SH2D4B: variants seen among roughly 807,000 people sequenced by gnomAD.
SH2D4B encodes SH2 domain-containing protein 4B.
SH2D4B carries 45 observed loss-of-function variants against 61.5 expected under a neutral mutation model. That is an observed-to-expected ratio of 0.73 (90% CI 0.58 to 0.94). The LOEUF (loss-of-function observed/expected upper bound fraction) is 0.94, where lower values mean the gene tolerates loss of function less well. SH2D4B is among the 40% of genes least tolerant of loss of function. The probability of loss-of-function intolerance (pLI) is 0.00; values close to 1 mark genes in which losing one functional copy is unlikely to be tolerated. For missense variants in SH2D4B, 572 were observed against 574.2 expected (o/e 1.00, Z 0.04); for synonymous variants, 224 against 220.4 (o/e 1.02, Z -0.14).
At chr10:80,562,473 T>C (rs1220735548) in intron 1 of SH2D4B, among the ~76,000 whole-genome samples, 1 of 152,270 alleles carries the variant, frequency 6.6e-6, no homozygotes, top group Admixed American at 6.5e-5. Flanking sequence ...TCAATGATAT[T>C]ATGTGAGGAC....
intron 4 of SH2D4B, among the ~76,000 whole-genome samples, chr10:80,602,231 G>A (rs1451731379): frequency 1.3e-5 from 2 of 152,176 alleles, no homozygotes; most frequent in Non-Finnish European, 2.9e-5. Context: ...GGAGGCCAAG[G>A]TGGGAGGATT....
chr10:80,606,894 AAGTC>A (rs1237596264), intron 5 of SH2D4B, among the ~76,000 whole-genome samples: 1 of 152,226 alleles, frequency 6.6e-6, no homozygotes, highest in African/African-American at 2.4e-5. Context: ...TAATGGCAAA[AAGTC>A]AGAAGCAATG....
chr10:80,559,637 A>ATTT (rs773552620), intron 1 of SH2D4B, among the ~76,000 whole-genome samples: 14 of 129,950 alleles, frequency 1.1e-4, no homozygotes, highest in South Asian at 2.5e-4. Flanking sequence ...GTGGTCCTGC[A>ATTT]TTTTTTTTTT....
At chr10:80,594,261 T>G (rs1356647287) in intron 4 of SH2D4B, among the ~76,000 whole-genome samples, 1 of 152,232 alleles carries the variant, frequency 6.6e-6, no homozygotes, top group Non-Finnish European at 1.5e-5. Context: ...TTTTTTGTTC[T>G]TTATTCTATT....
Position 80,609,551 on chromosome 10 carries a change from G to T in SH2D4B, c.988G>T (p.Gly330Ter). The T allele has an allele frequency of 1.9e-6, 3 of 1,614,180 alleles. No homozygotes were observed. The highest frequency in any genetic ancestry group is 1.7e-6 in the Non-Finnish European group (2 of 1,180,014). The part of the protein sequence containing the change: ...NTKFIAPWFH[G>*]IISREDAEAL... ...CAAGTTCATCGCCCCCTGGTTCCAT[G>T]GTAGCACCATTTTTCTGGGCCCTGT... is the stretch of plus-strand genomic sequence containing the variant. Residue 330 changes from glycine to a stop codon, truncating the protein, a stop_gained and splice_region_variant, in exon 6 of 8, where the codon GGA becomes TGA. Coordinates refer to ENST00000646907, the MANE Select transcript of SH2D4B (RefSeq NM_001388272.1). LOFTEE classifies it high-confidence loss of function.
intron 3 of SH2D4B, among the ~76,000 whole-genome samples, chr10:80,587,246 G>A (rs977384022): frequency 3.4e-5 from 5 of 145,654 alleles, no homozygotes; most frequent in East Asian, 4.0e-4. Context: ...AGCCATTCTC[G>A]TGCCTCTTGA....
At chr10:80,551,805 A>G (rs1233991614) in intron 1 of SH2D4B, among the ~76,000 whole-genome samples, 2 of 152,110 alleles carry the variant, frequency 1.3e-5, no homozygotes, top group African/African-American at 2.4e-5. Context: ...GCAGATGGGG[A>G]TGGGGTGGTG....
intron 1 of SH2D4B, among the ~76,000 whole-genome samples, chr10:80,543,725 TA>T (rs1170915168): frequency 6.6e-6 from 1 of 152,150 alleles, no homozygotes; most frequent in Non-Finnish European, 1.5e-5. Flanking sequence ...TAAGGGATTG[TA>T]AATACACCAA....
chr10:80,609,283 C>A lies in SH2D4B; in HGVS notation c.861-141C>A, dbSNP rs1450646031. 9 of 744,754 alleles carry A rather than the reference C, an allele frequency of 1.2e-5. 1 individual carries two copies. Among genetic ancestry groups the A allele is most frequent in the Non-Finnish European group, 1.9e-5 (9 of 474,626 alleles). The allele number at this position is 744,754 out of a possible 1,614,324, so 46.1% of individuals were successfully genotyped here. A position where few individuals can be genotyped will look rare whatever the true frequency, so the allele number is the denominator to read the frequency against. On this transcript the variant is annotated intron_variant, in intron 5 of 7. Transcript: ENST00000646907. ...CATATTCATTCTCTCATGGCCCTCC[C>A]CTGCCCCTTCTTCCACCCCCCCTTC...
chr10:80,566,571 C>T (rs1841971966), intron 1 of SH2D4B, among the ~76,000 whole-genome samples: 1 of 152,084 alleles, frequency 6.6e-6, no homozygotes, highest in Admixed American at 6.5e-5. Flanking sequence ...GCTGGGATTA[C>T]ATGCGTGAGC....
chr10:80,575,239 T>C (rs1354229140), intron 3 of SH2D4B, among the ~76,000 whole-genome samples: 1 of 151,842 alleles, frequency 6.6e-6, no homozygotes, highest in Non-Finnish European at 1.5e-5. Flanking sequence ...AAATGGAGAA[T>C]ATTTATATGC....
chr10:80,575,933 G>A (rs1465934327), intron 3 of SH2D4B, among the ~76,000 whole-genome samples: 1 of 152,154 alleles, frequency 6.6e-6, no homozygotes, highest in Admixed American at 6.5e-5. Context: ...TATGTTGCTG[G>A]GTTTTGCATA....
chr10:80,570,121 A>T, intron 1 of SH2D4B, 33 bp from the exon 2 acceptor site: 1 of 1,613,576 alleles, frequency 6.2e-7, no homozygotes. Flanking sequence ...TTGAAAATCA[A>T]ACTTGTTTCT....
chr10:80,611,191 A>C lies in SH2D4B; in HGVS notation c.988+1640A>C, dbSNP rs927672968. On this transcript the variant is annotated intron_variant, in intron 6 of 7. Coordinates refer to ENST00000646907, the MANE Select transcript of SH2D4B (RefSeq NM_001388272.1). Reference sequence around the variant, plus strand: ...ACTCAGTCTCAAAAAAAAAAAAAAAAAAAAAAAAAAAACATTGATGATCTC... The same window carrying C: ...ACTCAGTCTCAAAAAAAAAAAAAAACAAAAAAAAAAAACATTGATGATCTC... Among the ~76,000 whole-genome samples, 6 of 151,224 alleles carry C rather than the reference A, an allele frequency of 4.0e-5. No individual in the cohort carries two copies. The South Asian group carries it at 8.3e-4, about 21-fold the overall frequency.
intron 1 of SH2D4B, among the ~76,000 whole-genome samples, chr10:80,550,900 C>T (rs896546249): frequency 2.0e-5 from 3 of 151,864 alleles, no homozygotes; most frequent in Non-Finnish European, 2.9e-5. Flanking sequence ...ACATATATTG[C>T]AGGTGGTTAA....
chr10:80,639,381 G>C (rs1191386558), intron 7 of SH2D4B, among the ~76,000 whole-genome samples: 1 of 152,050 alleles, frequency 6.6e-6, no homozygotes, highest in African/African-American at 2.4e-5. Flanking sequence ...ATATTGACAG[G>C]GGGTGTTAAA....
Position 80,537,905 on chromosome 10 carries a change from A to AACAGATCACTCGACACCT in SH2D4B, c.-424_-407dup, listed in dbSNP as rs1314673765. On this transcript the variant is annotated 5_prime_UTR_variant, in exon 1 of 8. Transcript: ENST00000646907. ...GCTGGTGTCATTGTTACCTTCCACTAACAGATCACTCGACACCTACCAGCC... is the reference window on the plus strand; with the variant it reads ...GCTGGTGTCATTGTTACCTTCCACTAACAGATCACTCGACACCTACAGATCACTCGACACCTACCAGCC... 6.5e-6 allele frequency: 1 copy of AACAGATCACTCGACACCT among 152,842 alleles called. No individual in the cohort carries two copies. The highest frequency in any genetic ancestry group is 1.9e-4 in the East Asian group (1 of 5,200). The allele number at this position is 152,842 out of a possible 1,614,324, so 9.5% of individuals were successfully genotyped here. A position where few individuals can be genotyped will look rare whatever the true frequency, so the allele number is the denominator to read the frequency against.
rs1353574143 is a variant in SH2D4B, at chr10:80,588,775, AGT to A, written c.643+2_643+3del. On this transcript the variant is annotated frameshift_variant and splice_region_variant, in exon 4 of 8. Transcript: ENST00000646907. LOFTEE classifies it high-confidence loss of function. The stretch of plus-strand genomic sequence containing the variant: ...AAAGAGGAGCGAGAGTGGGAAGAAC[AGT>A]GTGAGTAGAGCTTGTGCCTCAGGCA... 6.2e-7 allele frequency: 1 copy of A among 1,613,812 alleles called. No homozygotes were observed. Among genetic ancestry groups the A allele is most frequent in the Non-Finnish European group, 8.5e-7 (1 of 1,180,016 alleles).
At chr10:80,542,299 CAG>C (rs1361892796) in intron 1 of SH2D4B, among the ~76,000 whole-genome samples, 1 of 152,036 alleles carries the variant, frequency 6.6e-6, no homozygotes, top group Non-Finnish European at 1.5e-5. Flanking sequence ...CCCAGGTTCT[CAG>C]GGCCAGAGCT....
Sources: gnomAD v4.1 joint callset for allele counts (sites outside exome capture counted in the v4.1 genomes callset) on GRCh38, gnomAD v4.1.1 for gene constraint, MANE v1.5 for transcripts, NCBI Gene and HGNC (gene_info 2026-07-23, HGNC 2026-07-21) for gene names.